The following CCDC149 variants were observed in gnomAD, a reference collection of about 807,000 sequenced individuals.
CCDC149 encodes the protein coiled-coil domain containing 149.
In CCDC149, 45 loss-of-function variants were observed where a neutral mutation model predicts 59.9. The observed-to-expected ratio is 0.75, with a 90% CI of 0.59 to 0.96. The LOEUF (loss-of-function observed/expected upper bound fraction) is 0.96. Among genes scored for constraint, CCDC149 ranks in the 40% least tolerant of loss-of-function variants. CCDC149 has a pLI of 0.00. For synonymous variants in CCDC149, 245 were observed against 260.6 expected (o/e 0.94, Z 0.58); for missense variants, 584 against 664.7 (o/e 0.88, Z 1.33).
intron 1 of CCDC149, among the ~76,000 whole-genome samples, chr4:24,932,093 T>G (rs1427491635): frequency 6.6e-6 from 1 of 151,918 alleles, no homozygotes; most frequent in Non-Finnish European, 1.5e-5. Flanking sequence ...AGTTCCACAG[T>G]GCTTGCTCTA....
chr4:24,813,489 AATATATATATATATATATAT>A (rs57650226), intron 12 of CCDC149, among the ~76,000 whole-genome samples: 5 of 113,734 alleles, frequency 4.4e-5, no homozygotes, highest in African/African-American at 2.0e-4. Flanking sequence ...CAGCTTGGGG[AATATATATATATATATATAT>A]ATATATATAT....
intron 1 of CCDC149, among the ~76,000 whole-genome samples, chr4:24,887,717 A>G (rs1720270685): frequency 6.6e-6 from 1 of 151,806 alleles, no homozygotes; most frequent in Admixed American, 6.6e-5. Flanking sequence ...TCTGGCAGGG[A>G]CCATCACAGC....
intron 10 of CCDC149, 24 bp from the exon 11 acceptor site, chr4:24,821,111 A>G (rs1715362378): frequency 8.2e-7 from 1 of 1,226,134 alleles, no homozygotes; most frequent in Non-Finnish European, 1.0e-6. Context: ...AAAGAAAAAA[A>G]GGAAATAATT....
Position 24,912,989 on chromosome 4 carries a change from G to T in CCDC149, c.-110C>A. 3.0e-6 allele frequency: 1 copy of T among 331,650 alleles called. No homozygotes were observed. Among genetic ancestry groups the T allele is most frequent in the Non-Finnish European group, 4.4e-6 (1 of 225,184 alleles). The allele number at this position is 331,650 out of a possible 1,614,324, so 20.5% of individuals were successfully genotyped here. On this transcript the variant is annotated 5_prime_UTR_variant, in exon 1 of 13. Transcript: ENST00000635206. ...CGAGAGGGCCCGGCGCCTCCGAGCC[G>T]CTGCGCCGCCGCCTCTCGCGGCCGC...
intron 1 of CCDC149, among the ~76,000 whole-genome samples, chr4:24,877,863 A>G (rs1421224638): frequency 6.6e-6 from 1 of 152,174 alleles, no homozygotes; most frequent in Admixed American, 6.5e-5. Flanking sequence ...GGGCCCGAAC[A>G]GGACTCTTCA....
chr4:24,905,436 T>C (rs1721434772), intron 1 of CCDC149, among the ~76,000 whole-genome samples: 1 of 151,148 alleles, frequency 6.6e-6, no homozygotes, highest in African/African-American at 2.4e-5. Context: ...TGTGTGTGTG[T>C]GTGTGTGTGT....
At chr4:24,846,077 T>C (rs1283627678) in intron 4 of CCDC149, among the ~76,000 whole-genome samples, 2 of 152,228 alleles carry the variant, frequency 1.3e-5, no homozygotes, top group Admixed American at 6.5e-5. Context: ...CATGCTGTTT[T>C]GGTCACGTGG....
intron 4 of CCDC149, among the ~76,000 whole-genome samples, chr4:24,841,474 C>T (rs1011182745): frequency 6.6e-6 from 1 of 152,190 alleles, no homozygotes; most frequent in Non-Finnish European, 1.5e-5. Flanking sequence ...AATGTGCATA[C>T]AATATCGGCT....
intron 1 of CCDC149, among the ~76,000 whole-genome samples, chr4:24,950,503 C>A (rs12506067): frequency 0.91 from 138,199 of 152,246 alleles, 62,953 homozygotes; most frequent in African/African-American, 0.97. Context: ...AATATGGCTG[C>A]TGGGAATGAG....
intron 4 of CCDC149, among the ~76,000 whole-genome samples, chr4:24,845,156 ACTTT>A (rs1215580485): frequency 3.3e-5 from 5 of 152,244 alleles, no homozygotes; most frequent in East Asian, 1.9e-4. Context: ...GCTTTATAGA[ACTTT>A]CTTTATTTAA....
chr4:24,843,958 C>T (rs1180126687), intron 4 of CCDC149, among the ~76,000 whole-genome samples: 2 of 152,146 alleles, frequency 1.3e-5, no homozygotes, highest in Non-Finnish European at 2.9e-5. Flanking sequence ...CATGTCTGTC[C>T]CTGGGCCTTT....
intron 1 of CCDC149, among the ~76,000 whole-genome samples, chr4:24,940,815 G>C: frequency 6.6e-6 from 1 of 152,156 alleles, no homozygotes; most frequent in African/African-American, 2.4e-5. Flanking sequence ...TGACATAATG[G>C]TAAAGGGATC....
intron 1 of CCDC149, among the ~76,000 whole-genome samples, chr4:24,948,915 G>T (rs1030210619): frequency 6.6e-6 from 1 of 152,138 alleles, no homozygotes; most frequent in Non-Finnish European, 1.5e-5. Context: ...CTCTCTCTTT[G>T]CCATCCACTA....
At chr4:24,903,619 GGTGTAA>G (rs1721306060) in intron 1 of CCDC149, among the ~76,000 whole-genome samples, 1 of 152,030 alleles carries the variant, frequency 6.6e-6, no homozygotes, top group Non-Finnish European at 1.5e-5. Context: ...ATCCCTTTTA[GGTGTAA>G]GTGTTCCATG....
At chr4:24,852,786 C>G (rs1717746250) in intron 4 of CCDC149, among the ~76,000 whole-genome samples, 1 of 152,032 alleles carries the variant, frequency 6.6e-6, no homozygotes, top group Non-Finnish European at 1.5e-5. Flanking sequence ...TTATTTTGCC[C>G]TCAACCACAG....
At chr4:24,846,291 C>T (rs1717280990) in intron 4 of CCDC149, among the ~76,000 whole-genome samples, 1 of 152,116 alleles carries the variant, frequency 6.6e-6, no homozygotes, top group African/African-American at 2.4e-5. Context: ...AGGTGGGGTG[C>T]GGTGAAGGGC....
chr4:24,861,745 T>C (rs79750960), intron 3 of CCDC149, among the ~76,000 whole-genome samples: 4,526 of 152,284 alleles, frequency 0.03, 162 homozygotes, highest in Admixed American at 0.092. Context: ...GATCGAATAT[T>C]TGACAGTGGT....
intron 9 of CCDC149, chr4:24,830,000 G>A (rs1716030420): frequency 1.3e-5 from 2 of 152,932 alleles, no homozygotes; most frequent in African/African-American, 4.8e-5. Flanking sequence ...GGTGAGACAG[G>A]AGGTCCCAGG....
At chr4:24,977,908 G>A (rs1724277291) in intron 1 of CCDC149, among the ~76,000 whole-genome samples, 1 of 152,184 alleles carries the variant, frequency 6.6e-6, no homozygotes, top group African/African-American at 2.4e-5. Flanking sequence ...CAAGGTAGGA[G>A]GATTGCTTGA....
Sources: allele counts gnomAD v4.1 joint callset (sites outside exome capture counted in the v4.1 genomes callset), GRCh38; gene constraint gnomAD v4.1.1; transcripts MANE v1.5; gene names NCBI Gene and HGNC (gene_info 2026-07-23, HGNC 2026-07-21).